Variants in USP9X observed in about 807,000 individuals in gnomAD.
USP9X encodes ubiquitin carboxyl-terminal hydrolase 9X.
Under a neutral mutation model 190.3 loss-of-function variants are expected in USP9X, and 7 were observed. The ratio of observed to expected loss-of-function variants is 0.04; its 90% CI spans 0.02 to 0.07. The LOEUF is 0.07. USP9X is among the 10% of genes least tolerant of loss of function. USP9X has a pLI of 1.00. For missense variants in USP9X, 1,010 were observed against 1,916.9 expected, an observed-to-expected ratio of 0.53 and a Z score of 8.83; for synonymous variants, 645 against 659.5, an observed-to-expected ratio of 0.98 and a Z score of 0.34.
intron 1 of USP9X, among the ~76,000 whole-genome samples, chrX:41,109,321 T>C (rs1354359934): frequency 8.9e-6 from 1 of 112,031 alleles, no homozygotes; most frequent in African/African-American, 3.2e-5. Flanking sequence ...TCAAATTGCC[T>C]ACAGCCACTT....
intron 15 of USP9X, among the ~76,000 whole-genome samples, chrX:41,163,995 C>T (rs1168174411): frequency 1.8e-5 from 2 of 111,089 alleles, no homozygotes; most frequent in Non-Finnish European, 3.8e-5. Flanking sequence ...GCCTCAGCCT[C>T]CCAAGTAACT....
At chrX:41,146,528 T>A (rs2062464791) in intron 11 of USP9X, among the ~76,000 whole-genome samples, 1 of 111,876 alleles carries the variant, frequency 8.9e-6, no homozygotes, top group African/African-American at 3.2e-5. Flanking sequence ...GCACTTGTTC[T>A]TGTCAGAGTT....
chrX:41,230,744 G>A, intron 44 of USP9X, 148 bp downstream of exon 44: 1 of 483,036 alleles, frequency 2.1e-6, no homozygotes, highest in Non-Finnish European at 3.4e-6. Flanking sequence ...AAGAGGGATG[G>A]TTTGGAGTGG....
chrX:41,223,542 A>T (rs2063283907), intron 39 of USP9X, 140 bp downstream of exon 39: 1 of 604,287 alleles, frequency 1.7e-6, no homozygotes. Flanking sequence ...GGTTTAAGCC[A>T]TTCTCCTGCC....
chrX:41,181,435 CTTTTTTTTTTT>C (rs200403625), intron 21 of USP9X, among the ~76,000 whole-genome samples: 12 of 38,575 alleles, frequency 3.1e-4, no homozygotes, highest in South Asian at 3.0e-3. Context: ...CCACACCTGA[CTTTTTTTTTTT>C]TTTTTTTTTT....
chrX:41,118,713 C>T (rs1415286143), intron 1 of USP9X, among the ~76,000 whole-genome samples: 1 of 111,686 alleles, frequency 9.0e-6, no homozygotes, highest in East Asian at 2.8e-4. Flanking sequence ...CCAGGTGGTG[C>T]TGATGAATCC....
At chrX:41,153,995 T>C (rs767788985) in intron 14 of USP9X, among the ~76,000 whole-genome samples, 74 of 111,888 alleles carry the variant, frequency 6.6e-4, no homozygotes, top group Non-Finnish European at 1.1e-3. Flanking sequence ...TTGAATAAAA[T>C]CCCCTCGTGC....
intron 13 of USP9X, among the ~76,000 whole-genome samples, chrX:41,151,461 C>A (rs1184567929): frequency 9.0e-6 from 1 of 111,656 alleles, no homozygotes; most frequent in African/African-American, 3.3e-5. Flanking sequence ...AGCTAAATTT[C>A]TTTTTAATAG....
intron 29 of USP9X, 130 bp downstream of exon 29, chrX:41,197,640 T>A (rs986780824): frequency 6.7e-6 from 4 of 596,828 alleles, no homozygotes; most frequent in Admixed American, 1.0e-4. Flanking sequence ...TAAGAATCTT[T>A]ATCAAATTTA....
At chrX:41,230,378 G>T in intron 43 of USP9X, 123 bp from the exon 44 acceptor site, 1 of 526,612 alleles carries the variant, frequency 1.9e-6, no homozygotes, top group Non-Finnish European at 2.9e-6. Flanking sequence ...TTTATCTGCA[G>T]TAAAAGAAAA....
At chrX:41,221,512 G>C (rs1241910743) in intron 38 of USP9X, among the ~76,000 whole-genome samples, 3 of 111,428 alleles carry the variant, frequency 2.7e-5, no homozygotes, top group African/African-American at 9.8e-5. Flanking sequence ...AATGTAACGT[G>C]GGAATTGGTT....
chrX:41,158,776 A>G (rs936939148), intron 14 of USP9X, among the ~76,000 whole-genome samples: 2 of 111,837 alleles, frequency 1.8e-5, no homozygotes, highest in Non-Finnish European at 3.8e-5. Context: ...CGTTTCTAAC[A>G]GGCCACAGAC....
intron 12 of USP9X, among the ~76,000 whole-genome samples, chrX:41,150,487 C>G (rs2062514502): frequency 9.0e-6 from 1 of 110,938 alleles, no homozygotes; most frequent in South Asian, 3.7e-4. Flanking sequence ...TTTTTGTGTT[C>G]TTCACTGTAC....
intron 22 of USP9X, 56 bp from the exon 23 acceptor site, chrX:41,184,341 A>ATT (rs56874987): frequency 9.3e-7 from 1 of 1,073,958 alleles, no homozygotes. Flanking sequence ...AATAGAAGTT[A>ATT]TTTTTTTTTT....
intron 3 of USP9X, among the ~76,000 whole-genome samples, chrX:41,130,326 T>C (rs1276528222): frequency 9.0e-6 from 1 of 111,037 alleles, no homozygotes; most frequent in Non-Finnish European, 1.9e-5. Flanking sequence ...AGTGATACCA[T>C]AGCAGAAGGT....
At chrX:41,189,101 T>C (rs758947404) in intron 25 of USP9X, among the ~76,000 whole-genome samples, 25 of 112,260 alleles carry the variant, frequency 2.2e-4, no homozygotes, top group South Asian at 2.2e-3. Flanking sequence ...CCTGAAGACA[T>C]AGGAAAATAA....
chrX:41,208,657 G>T lies in USP9X; in HGVS notation c.5016-1852G>T, dbSNP rs1327874276. On this transcript the variant is annotated intron_variant, in intron 32 of 44. Coordinates refer to ENST00000378308, the MANE Select transcript of USP9X (RefSeq NM_001039591.3). ...GCCATATTTGCTTATCTTGCCATAT[G>T]TGTGCTTGGTTTTTGGTTTATTTTT... 4.5e-5 allele frequency among the ~76,000 whole-genome samples: 5 copies of T among 111,245 alleles called. No individual in the cohort carries two copies. The Admixed American group carries it at 4.8e-4, about 11-fold the overall frequency.
intron 20 of USP9X, chrX:41,171,603 A>C: frequency 4.9e-6 from 2 of 406,630 alleles, no homozygotes; most frequent in Non-Finnish European, 8.9e-6. Flanking sequence ...GAAATGGTTT[A>C]ATAGAACAGG....
At chrX:41,215,764 G>A in intron 34 of USP9X, 135 bp from the exon 35 acceptor site, 1 of 579,583 alleles carries the variant, frequency 1.7e-6, no homozygotes, top group Non-Finnish European at 2.6e-6. Context: ...TCTTGATTAT[G>A]CTCATTGTCA....
Sources: allele counts gnomAD v4.1 joint callset (sites outside exome capture counted in the v4.1 genomes callset), GRCh38; gene constraint gnomAD v4.1.1; transcripts MANE v1.5; gene names NCBI Gene and HGNC (gene_info 2026-07-23, HGNC 2026-07-21).